RXFP1: variants seen among roughly 807,000 people sequenced by gnomAD.
The protein encoded by RXFP1 is relaxin family peptide receptor 1.
RXFP1 carries 73 observed loss-of-function variants against 89.8 expected under a neutral mutation model. The ratio of observed to expected loss-of-function variants is 0.81; its 90% CI spans 0.67 to 0.99. RXFP1 has a LOEUF of 0.99. Ranked by LOEUF, RXFP1 falls within the 50% of genes least tolerant of loss-of-function variation. RXFP1 has a pLI of 0.00. For missense variants in RXFP1, 793 were observed against 895.5 expected (o/e 0.89, Z 1.46); for synonymous variants, 277 against 305.5 (o/e 0.91, Z 0.97).
At chr4:158,609,580 C>A (rs903568380) in intron 6 of RXFP1, among the ~76,000 whole-genome samples, 3 of 152,104 alleles carry the variant, frequency 2.0e-5, no homozygotes, top group Admixed American at 6.5e-5. Context: ...CGCAAGAAAC[C>A]CATTCCAGTC....
At chr4:158,543,239 C>T (rs1747296782) in intron 1 of RXFP1, among the ~76,000 whole-genome samples, 1 of 152,156 alleles carries the variant, frequency 6.6e-6, no homozygotes, top group African/African-American at 2.4e-5. Context: ...TCTTCAGGCA[C>T]TGGTTTTTAT....
At chr4:158,544,228 T>A in intron 1 of RXFP1, 4 of 985,398 alleles carry the variant, frequency 4.1e-6, no homozygotes, top group Non-Finnish European at 4.8e-6. Flanking sequence ...CCAATATGTC[T>A]GTTGAGAAAT....
intron 1 of RXFP1, among the ~76,000 whole-genome samples, chr4:158,530,248 T>G (rs970838003): frequency 3.3e-5 from 5 of 152,234 alleles, no homozygotes; most frequent in Admixed American, 1.3e-4. Flanking sequence ...GGAAGCTTTT[T>G]TGGAAGCTTT....
chr4:158,651,777 G>A lies in RXFP1; in HGVS notation c.1996G>A (p.Val666Met), dbSNP rs1167206256. 1.2e-6 allele frequency: 2 copies of A among 1,610,894 alleles called. No individual in the cohort carries two copies. The highest frequency in any genetic ancestry group is 2.2e-5 in the East Asian group (1 of 44,848). Reference protein sequence around the residue: ...EIPGTITSWVVIFILPINSAL... With the variant: ...EIPGTITSWVMIFILPINSAL... ...TTTAGGTACCATAACCTCTTGGGTA[G>A]TGATTTTTATTCTGCCCATTAACAG... is the stretch of plus-strand genomic sequence containing the variant. Residue 666 changes from valine (V) to methionine (M), a missense_variant, in exon 18 of 18, where the codon GTG (valine) becomes ATG (methionine). Val to Met is a conservative substitution (Grantham distance 21, BLOSUM62 1). Transcript: ENST00000307765.
chr4:158,536,867 T>C (rs530576992), intron 1 of RXFP1, among the ~76,000 whole-genome samples: 2 of 152,096 alleles, frequency 1.3e-5, no homozygotes, highest in African/African-American at 4.8e-5. Context: ...AGCCAGGAAA[T>C]CATATACACT....
intron 12 of RXFP1, among the ~76,000 whole-genome samples, chr4:158,636,934 T>C (rs1329418007): frequency 6.6e-6 from 1 of 152,224 alleles, no homozygotes; most frequent in Non-Finnish European, 1.5e-5. Flanking sequence ...GACCACCTTC[T>C]ACTCTCTACT....
At chr4:158,555,291 T>C (rs1432015668) in intron 1 of RXFP1, among the ~76,000 whole-genome samples, 1 of 152,186 alleles carries the variant, frequency 6.6e-6, no homozygotes. Context: ...TCCCAAGAAA[T>C]GTGTATTGAA....
chr4:158,630,085 G>T (rs905155898), intron 11 of RXFP1, among the ~76,000 whole-genome samples: 13 of 152,186 alleles, frequency 8.5e-5, no homozygotes, highest in Non-Finnish European at 1.8e-4. Flanking sequence ...GGGCACTCAA[G>T]AAGTTACAAT....
In RXFP1 at chr4:158,617,220, C is replaced by CT. The variant is rs757633389; in HGVS notation, c.755+22dup. On this transcript the variant is annotated intron_variant, in intron 9 of 17. Transcript: ENST00000307765. ...CTACATTGGCTGTAAGCGATTCTGTCTTTTTTTAAAGAACTCAACTAAATT... is the reference window on the plus strand; with the variant it reads ...CTACATTGGCTGTAAGCGATTCTGTCTTTTTTTTAAAGAACTCAACTAAATT... 4.4e-6 allele frequency: 7 copies of CT among 1,579,270 alleles called. No homozygotes were observed. The highest frequency in any genetic ancestry group is 1.7e-4 in the Middle Eastern group (1 of 5,980).
intron 2 of RXFP1, among the ~76,000 whole-genome samples, chr4:158,585,102 A>G (rs1425563088): frequency 9.8e-5 from 15 of 152,326 alleles, no homozygotes; most frequent in Admixed American, 7.2e-4. Context: ...TTTGAAAACC[A>G]CTGATCTAGA....
At chr4:158,648,738 C>T in intron 17 of RXFP1, 21 bp downstream of exon 17, 1 of 1,354,078 alleles carries the variant, frequency 7.4e-7, no homozygotes, top group South Asian at 1.3e-5. Flanking sequence ...TTTTAATCTC[C>T]TTAAAGAAAT....
intron 3 of RXFP1, among the ~76,000 whole-genome samples, chr4:158,597,981 C>T (rs1180330790): frequency 6.6e-6 from 1 of 152,134 alleles, no homozygotes; most frequent in Admixed American, 6.6e-5. Context: ...AGGTTATGGT[C>T]CTGATCTCTT....
rs1192519846 is a variant in RXFP1, at chr4:158,628,639, G to A, written c.829G>A (p.Val277Met). ...ATGTATTTTTCTTTTTACTTTCAGA[G>A]TGATGAGGAAAAACAAAATTAATCA... ...FISCSNLTVL[V>M]MRKNKINHLN... The change falls in exon 11 of 18, where the codon GTG (valine) becomes ATG (methionine). Residue 277 changes from valine to methionine, a missense_variant and splice_region_variant. By Grantham distance (21) the Val-to-Met change is conservative. Transcript: ENST00000307765. 1 of 1,500,636 alleles carries A rather than the reference G, an allele frequency of 6.7e-7. No homozygotes were observed. The highest frequency in any genetic ancestry group is 1.2e-5 in the South Asian group (1 of 86,234). 93.0% of individuals were successfully genotyped at this position (1,500,636 alleles called of 1,614,324 possible). A position where few individuals can be genotyped will look rare whatever the true frequency, so the allele number is the denominator to read the frequency against.
intron 1 of RXFP1, among the ~76,000 whole-genome samples, chr4:158,542,007 C>T (rs1325709897): frequency 6.8e-6 from 1 of 146,304 alleles, no homozygotes; most frequent in Non-Finnish European, 1.5e-5. Flanking sequence ...GCAACCTCCA[C>T]CTCCTGGGTT....
At chr4:158,618,983 C>T (rs1169106413) in intron 9 of RXFP1, among the ~76,000 whole-genome samples, 1 of 151,772 alleles carries the variant, frequency 6.6e-6, no homozygotes, top group Non-Finnish European at 1.5e-5. Flanking sequence ...ATTTATTAGC[C>T]AAAGAAGTCA....
chr4:158,634,391 G>T (rs923790758), intron 12 of RXFP1, among the ~76,000 whole-genome samples: 10 of 152,266 alleles, frequency 6.6e-5, no homozygotes, highest in African/African-American at 2.4e-4. Context: ...GTAGTTGTTA[G>T]ATTGTTGGAG....
intron 8 of RXFP1, 88 bp downstream of exon 8, chr4:158,612,450 A>G: frequency 1.0e-6 from 1 of 973,350 alleles, no homozygotes; most frequent in Non-Finnish European, 1.5e-6. Context: ...TTAAATTTGG[A>G]TTTGTTAAAA....
At chr4:158,549,868 G>T (rs1350610408) in intron 1 of RXFP1, among the ~76,000 whole-genome samples, 1 of 152,314 alleles carries the variant, frequency 6.6e-6, no homozygotes, top group South Asian at 2.1e-4. Flanking sequence ...CTACTGGGGG[G>T]GTGCCTCCCA....
intron 1 of RXFP1, among the ~76,000 whole-genome samples, chr4:158,539,187 G>A (rs1745995813): frequency 6.6e-6 from 1 of 152,064 alleles, no homozygotes; most frequent in Admixed American, 6.6e-5. Context: ...AAGATAAACT[G>A]GAATGAAGCT....
Sources: allele counts gnomAD v4.1 joint callset (sites outside exome capture counted in the v4.1 genomes callset), GRCh38; gene constraint gnomAD v4.1.1; transcripts MANE v1.5; gene names NCBI Gene and HGNC (gene_info 2026-07-23, HGNC 2026-07-21).